The following ZFHX3 variants were observed in gnomAD, a reference collection of about 807,000 sequenced individuals.
The protein encoded by ZFHX3 is zinc finger homeobox protein 3.
ZFHX3 carries 42 observed loss-of-function variants against 279.1 expected under a neutral mutation model. The observed-to-expected ratio is 0.15, with a 90% CI of 0.12 to 0.19. The LOEUF (loss-of-function observed/expected upper bound fraction) is 0.19, where lower values mean the gene tolerates loss of function less well. Among genes scored for constraint, ZFHX3 ranks in the 10% least tolerant of loss-of-function variants. The pLI is 1.00. For missense variants in ZFHX3, 4,981 were observed against 4,754.0 expected, an observed-to-expected ratio of 1.05 and a Z score of -1.40; for synonymous variants, 2,293 against 1,957.8, an observed-to-expected ratio of 1.17 and a Z score of -4.52.
chr16:72,838,109 C>T (rs984859341), intron 4 of ZFHX3, among the ~76,000 whole-genome samples: 1 of 152,042 alleles, frequency 6.6e-6, no homozygotes, highest in Non-Finnish European at 1.5e-5. Context: ...AGGAATTCAG[C>T]CTCCTTACCG....
At chr16:73,681,394 A>C (rs2053008250) in intron 1 of ZFHX3, among the ~76,000 whole-genome samples, 2 of 152,232 alleles carry the variant, frequency 1.3e-5, no homozygotes, top group African/African-American at 4.8e-5. Context: ...TGAAAGTAAA[A>C]GGTGAACCTT....
chr16:73,091,738 C>T (rs1966085501), intron 8 of ZFHX3, among the ~76,000 whole-genome samples: 1 of 152,168 alleles, frequency 6.6e-6, no homozygotes, highest in South Asian at 2.1e-4. Flanking sequence ...CAAAATATAG[C>T]ATTTGACAGT....
At chr16:73,620,834 A>G (rs570638043) in intron 2 of ZFHX3, among the ~76,000 whole-genome samples, 280 of 152,366 alleles carry the variant, frequency 1.8e-3, no homozygotes, top group African/African-American at 6.4e-3. Context: ...ATTCAAAGTT[A>G]GTAGATGCAC....
chr16:73,188,336 A>C (rs1029214731), intron 5 of ZFHX3, among the ~76,000 whole-genome samples: 3 of 152,200 alleles, frequency 2.0e-5, no homozygotes, highest in African/African-American at 7.2e-5. Flanking sequence ...CTGCGATTAC[A>C]GGCATGAGTC....
At chr16:73,888,618 T>C (rs2030427075) in intron 1 of ZFHX3, among the ~76,000 whole-genome samples, 1 of 152,210 alleles carries the variant, frequency 6.6e-6, no homozygotes, top group East Asian at 1.9e-4. Flanking sequence ...ACACTGCTCC[T>C]AGTTCAGGAA....
intron 5 of ZFHX3, among the ~76,000 whole-genome samples, chr16:72,823,941 A>T (rs2036865720): frequency 6.6e-6 from 1 of 152,046 alleles, no homozygotes; most frequent in Admixed American, 6.5e-5. Context: ...TAGAGACTCA[A>T]TTTGGAAAAA....
At chr16:73,543,422 C>T (rs1597375755) in intron 2 of ZFHX3, among the ~76,000 whole-genome samples, 1 of 152,300 alleles carries the variant, frequency 6.6e-6, no homozygotes, top group African/African-American at 2.4e-5. Flanking sequence ...GGCCTGGTCC[C>T]CCCTTTCCTT....
chr16:73,154,079 C>T (rs556962936), intron 5 of ZFHX3, among the ~76,000 whole-genome samples: 2 of 152,112 alleles, frequency 1.3e-5, no homozygotes, highest in Non-Finnish European at 2.9e-5. Flanking sequence ...GGGGTGAAGG[C>T]GACCATTGCG....
chr16:72,791,908 C>G (rs2035719771), intron 9 of ZFHX3, among the ~76,000 whole-genome samples: 1 of 152,176 alleles, frequency 6.6e-6, no homozygotes, highest in African/African-American at 2.4e-5. Context: ...GGAACTAATT[C>G]AACCAGAAAC....
chr16:72,915,776 A>G (rs1427843837), intron 3 of ZFHX3, among the ~76,000 whole-genome samples: 1 of 151,834 alleles, frequency 6.6e-6, no homozygotes, highest in Admixed American at 6.6e-5. Context: ...AAAAAAAAAA[A>G]GGCTGAATTT....
At position 72,793,230 on chromosome 16, in the gene ZFHX3, A is replaced by C; in HGVS notation, c.9427+25T>G. The C allele has an allele frequency of 6.3e-7, 1 of 1,579,358 alleles. No homozygotes were observed. On this transcript the variant is annotated intron_variant, in intron 9 of 9. Coordinates refer to ENST00000268489, the MANE Select transcript of ZFHX3 (RefSeq NM_006885.4). The surrounding 1 kb of genome is among the most constrained non-coding windows in gnomAD (Gnocchi z 4.3). Reference sequence around the variant, plus strand: ...TGACTGGGCAGCTATTTAGCCCTGAAACAATCGCCTAGAGCAGAACCCACC... The same window carrying C: ...TGACTGGGCAGCTATTTAGCCCTGACACAATCGCCTAGAGCAGAACCCACC...
chr16:73,774,597 C>G (rs895557817), intron 1 of ZFHX3, among the ~76,000 whole-genome samples: 2 of 152,196 alleles, frequency 1.3e-5, no homozygotes, highest in African/African-American at 4.8e-5. Flanking sequence ...ATGCACCCCC[C>G]AAAGATGGTG....
At chr16:72,820,359 G>A (rs567371432) in intron 5 of ZFHX3, among the ~76,000 whole-genome samples, 1 of 152,284 alleles carries the variant, frequency 6.6e-6, no homozygotes, top group African/African-American at 2.4e-5. Flanking sequence ...ACTGATTTGA[G>A]TTCCCAAAAG....
At chr16:72,938,783 C>G (rs1405517760) in intron 3 of ZFHX3, among the ~76,000 whole-genome samples, 1 of 152,208 alleles carries the variant, frequency 6.6e-6, no homozygotes, top group Non-Finnish European at 1.5e-5. Context: ...GGTCAGAGCT[C>G]TTGTCCCTGG....
intron 2 of ZFHX3, among the ~76,000 whole-genome samples, chr16:73,599,666 G>A (rs553191520): frequency 4.0e-5 from 6 of 151,510 alleles, no homozygotes; most frequent in African/African-American, 7.3e-5. Flanking sequence ...AAAAATGATG[G>A]CAGCTGATTG....
intron 5 of ZFHX3, among the ~76,000 whole-genome samples, chr16:73,160,375 T>C (rs542673274): frequency 1.2e-4 from 19 of 152,324 alleles, no homozygotes; most frequent in Non-Finnish European, 2.4e-4. Flanking sequence ...GTATGGTGAT[T>C]TGCAAAGGTT....
intron 3 of ZFHX3, among the ~76,000 whole-genome samples, chr16:73,361,355 T>A (rs928695464): frequency 2.6e-5 from 4 of 152,254 alleles, no homozygotes; most frequent in Non-Finnish European, 5.9e-5. Flanking sequence ...CCAGCCACCA[T>A]CCTGCAAAGA....
chr16:73,529,829 T>A (rs566031168), intron 2 of ZFHX3, among the ~76,000 whole-genome samples: 1 of 152,094 alleles, frequency 6.6e-6, no homozygotes, highest in Non-Finnish European at 1.5e-5. Flanking sequence ...GTGGCTTCAT[T>A]AGGGGATCAT....
chr16:72,942,290 C>T (rs535152213), intron 3 of ZFHX3, among the ~76,000 whole-genome samples: 1 of 152,190 alleles, frequency 6.6e-6, no homozygotes, highest in African/African-American at 2.4e-5. Flanking sequence ...CGTAACACAA[C>T]GCATTATCCT....
Sources: gnomAD v4.1 joint callset for allele counts (sites outside exome capture counted in the v4.1 genomes callset) on GRCh38, gnomAD v4.1.1 for gene constraint, Gnocchi (gnomAD v3.1) non-coding constraint, MANE v1.5 for transcripts, NCBI Gene and HGNC (gene_info 2026-07-23, HGNC 2026-07-21) for gene names.